The following AARS1 variants were observed in gnomAD, a reference collection of about 807,000 sequenced individuals.
AARS1 encodes the protein alanyl-tRNA synthetase 1, also known as alanine--tRNA ligase, cytoplasmic.
AARS1 carries 72 observed loss-of-function variants against 108.9 expected under a neutral mutation model. The observed-to-expected ratio is 0.66, with a 90% CI of 0.55 to 0.80. AARS1 has a LOEUF of 0.80. AARS1 is among the 30% of genes least tolerant of loss of function. The probability of loss-of-function intolerance (pLI) is 0.00; values close to 1 mark genes in which losing one functional copy is unlikely to be tolerated. For synonymous variants in AARS1, 489 were observed against 465.7 expected (o/e 1.05, Z -0.64); for missense variants, 1,193 against 1,233.2 (o/e 0.97, Z 0.49).
chr16:70,256,836 C>T (rs892583547), intron 15 of AARS1, among the ~76,000 whole-genome samples: 2 of 151,622 alleles, frequency 1.3e-5, no homozygotes, highest in African/African-American at 2.4e-5. Flanking sequence ...TCTTTTCAGC[C>T]GGGCGTGGTG....
At position 70,265,744 on chromosome 16, in the gene AARS1, G is replaced by C; in HGVS notation, c.1223-82C>G. On this transcript the variant is annotated intron_variant, in intron 9 of 20. Coordinates refer to ENST00000261772, the MANE Select transcript of AARS1 (RefSeq NM_001605.3). ...AGCCCTCCAAAAGGATGCTGGGACTGGCAGAAGGAATTAAAGACACAAGGC... is the reference window on the plus strand; with the variant it reads ...AGCCCTCCAAAAGGATGCTGGGACTCGCAGAAGGAATTAAAGACACAAGGC... 3.8e-6 allele frequency: 6 copies of C among 1,571,980 alleles called. No individual in the cohort carries two copies. The South Asian group carries it at 4.5e-5, about 12-fold the overall frequency.
chr16:70,275,528 C>T (rs931533481), intron 4 of AARS1, among the ~76,000 whole-genome samples: 9 of 151,308 alleles, frequency 5.9e-5, no homozygotes, highest in Non-Finnish European at 1.2e-4. Context: ...TTTGGGAGGC[C>T]GAGGCAGGCG....
At chr16:70,253,559 A>T (rs768383522) in intron 19 of AARS1, 155 bp downstream of exon 19, 517 of 1,055,882 alleles carry the variant, frequency 4.9e-4, no homozygotes, top group Non-Finnish European at 6.7e-4. Flanking sequence ...TGGCCCAGGT[A>T]TGCCTCCCAC....
At chr16:70,262,200 GCTCC>G (rs1960148496) in intron 12 of AARS1, 142 bp downstream of exon 12, 1 of 991,382 alleles carries the variant, frequency 1.0e-6, no homozygotes, top group Admixed American at 1.8e-5. Flanking sequence ...ACAAGCAACA[GCTCC>G]CTCGGCTTCA....
At chr16:70,253,130 A>C (rs1184201600) in intron 20 of AARS1, 138 bp downstream of exon 20, 4 of 884,398 alleles carry the variant, frequency 4.5e-6, no homozygotes, top group Non-Finnish European at 7.4e-6. Context: ...ACCAATAAGA[A>C]GGCCTGGGTA....
intron 4 of AARS1, chr16:70,276,240 A>G (rs117626545): frequency 3.9e-6 from 1 of 255,590 alleles, no homozygotes; most frequent in Non-Finnish European, 7.5e-6. Flanking sequence ...AAATAAATAA[A>G]GATATTAATG....
Position 70,282,601 on chromosome 16 carries a change from A to G in AARS1, c.144+19T>C, listed in dbSNP as rs751845859. ...CTCTTATGTGAACCAAAAGCCAAGA[A>G]AAAAGGAAAAACCCTTACCTGGTTC... On this transcript the variant is annotated intron_variant, in intron 2 of 20. Coordinates refer to ENST00000261772, the MANE Select transcript of AARS1 (RefSeq NM_001605.3). The G allele has an allele frequency of 3.1e-6, 5 of 1,614,048 alleles. No homozygotes were observed. The highest frequency in any genetic ancestry group is 2.2e-5 in the South Asian group (2 of 91,076).
At chr16:70,282,840 C>T (rs1960737941) in intron 1 of AARS1, 56 bp from the exon 2 acceptor site, 3 of 1,557,918 alleles carry the variant, frequency 1.9e-6, no homozygotes, top group Non-Finnish European at 2.6e-6. Context: ...TCAAAGTACA[C>T]ATTACACAAG....
intron 11 of AARS1, among the ~76,000 whole-genome samples, chr16:70,263,176 CAGATTAGT>C (rs1308876590): frequency 4.6e-5 from 7 of 151,904 alleles, no homozygotes; most frequent in Admixed American, 2.6e-4. Flanking sequence ...CTTGGTGCAT[CAGATTAGT>C]AGATCTTTAA....
chr16:70,269,510 G>A (rs902933200), intron 7 of AARS1, 108 bp downstream of exon 7: 50 of 1,505,268 alleles, frequency 3.3e-5, no homozygotes, highest in Non-Finnish European at 4.1e-5. Flanking sequence ...CTCCAGCCTG[G>A]GCAACAGAGC....
At chr16:70,262,680 G>T (rs2152156823) in intron 11 of AARS1, among the ~76,000 whole-genome samples, 156 bp from the exon 12 acceptor site, 1 of 152,108 alleles carries the variant, frequency 6.6e-6, no homozygotes, top group East Asian at 1.9e-4. Flanking sequence ...AATATGAAAG[G>T]GCTTCGCGGC....
chr16:70,258,834 C>A (rs1055423178), intron 14 of AARS1, 146 bp downstream of exon 14: 7 of 915,436 alleles, frequency 7.6e-6, no homozygotes, highest in Non-Finnish European at 1.2e-5. Context: ...GGATTACAGG[C>A]GTGAGCTACC....
chr16:70,255,194 A>ATTTTTTTTTTT (rs946837808), intron 16 of AARS1, among the ~76,000 whole-genome samples: 3 of 104,276 alleles, frequency 2.9e-5, no homozygotes, highest in African/African-American at 1.1e-4. Context: ...CCAGATTCAC[A>ATTTTTTTTTTT]TTTTTTTTTT....
At chr16:70,269,480 G>C (rs1310340142) in intron 7 of AARS1, 138 bp downstream of exon 7, 2 of 1,293,498 alleles carry the variant, frequency 1.5e-6, no homozygotes, top group Non-Finnish European at 2.2e-6. Flanking sequence ...GTTGCAGTGA[G>C]GCAAGATCAC....
chr16:70,253,828 C>T (rs750566424), intron 18 of AARS1, 28 bp from the exon 19 acceptor site: 1 of 1,614,222 alleles, frequency 6.2e-7, no homozygotes, highest in South Asian at 1.1e-5. Context: ...AGAACAGCAG[C>T]TCAGACCAAA....
At chr16:70,270,920 G>T (rs1388695868) in intron 5 of AARS1, among the ~76,000 whole-genome samples, 2 of 150,206 alleles carry the variant, frequency 1.3e-5, no homozygotes, top group African/African-American at 4.9e-5. Context: ...AGGCCGAGGC[G>T]GGGGAATCAC....
At chr16:70,275,344 G>A (rs1021878667) in intron 4 of AARS1, among the ~76,000 whole-genome samples, 6 of 149,816 alleles carry the variant, frequency 4.0e-5, no homozygotes, top group African/African-American at 1.5e-4. Context: ...GGCCAGGCGT[G>A]GTGACTCATG....
intron 4 of AARS1, among the ~76,000 whole-genome samples, chr16:70,274,039 A>C (rs1960477447): frequency 6.6e-6 from 1 of 151,546 alleles, no homozygotes; most frequent in Non-Finnish European, 1.5e-5. Context: ...ACGAAACAAA[A>C]AAATTCCTTT....
intron 11 of AARS1, among the ~76,000 whole-genome samples, chr16:70,264,032 G>C (rs889821828): frequency 2.6e-5 from 4 of 151,956 alleles, no homozygotes; most frequent in Admixed American, 2.6e-4. Flanking sequence ...CAGATCATGA[G>C]GTCAGGAGTT....
Sources: gnomAD v4.1 joint callset for allele counts (sites outside exome capture counted in the v4.1 genomes callset) on GRCh38, gnomAD v4.1.1 for gene constraint, MANE v1.5 for transcripts, NCBI Gene and HGNC (gene_info 2026-07-23, HGNC 2026-07-21) for gene names.